Variants in CTCFL observed in about 807,000 individuals in gnomAD.
CTCFL encodes transcriptional repressor CTCFL.
CTCFL carries 36 observed loss-of-function variants against 67.4 expected under a neutral mutation model. The ratio of observed to expected loss-of-function variants is 0.53; its 90% CI spans 0.41 to 0.71. The LOEUF (loss-of-function observed/expected upper bound fraction) is 0.71, where lower values mean the gene tolerates loss of function less well. Ranked by LOEUF, CTCFL falls within the 30% of genes least tolerant of loss-of-function variation. CTCFL has a pLI of 0.00. For synonymous variants in CTCFL, 324 were observed against 302.3 expected, an observed-to-expected ratio of 1.07 and a Z score of -0.75; for missense variants, 786 against 835.2, an observed-to-expected ratio of 0.94 and a Z score of 0.73.
At chr20:57,510,032 G>A (rs1226420204) in intron 8 of CTCFL, among the ~76,000 whole-genome samples, 1 of 152,180 alleles carries the variant, frequency 6.6e-6, no homozygotes, top group Admixed American at 6.5e-5. Context: ...ATAAGTATGA[G>A]CCTGAGGCCT....
intron 6 of CTCFL, 50 bp from the exon 7 acceptor site, chr20:57,514,791 A>C: frequency 6.4e-7 from 1 of 1,568,970 alleles, no homozygotes; most frequent in Non-Finnish European, 8.6e-7. Flanking sequence ...GATCCTTGCC[A>C]AAGGCCACCT....
In CTCFL at chr20:57,498,346, G is replaced by T. The variant is rs1398884057; in HGVS notation, c.*204C>A. On this transcript the variant is annotated 3_prime_UTR_variant, in exon 11 of 11. Coordinates refer to ENST00000243914, the MANE Select transcript of CTCFL (RefSeq NM_001386993.1). ...CAATTCTAGACACTACCTCAAACTT[G>T]TGTCATCCATTGTCATGAACTTAAT... The T allele has an allele frequency of 7.6e-7, 1 of 1,320,352 alleles. No homozygotes were observed. The highest frequency in any genetic ancestry group is 9.7e-7 in the Non-Finnish European group (1 of 1,031,436). The allele number at this position is 1,320,352 out of a possible 1,614,324, so 81.8% of individuals were successfully genotyped here.
chr20:57,523,906 C>T lies in CTCFL; in HGVS notation c.300G>A (p.Leu100=). Residue 100 remains leucine, a synonymous_variant, in exon 2 of 11, where the codon CTG becomes CTA. Coordinates refer to ENST00000243914, the MANE Select transcript of CTCFL (RefSeq NM_001386993.1). ...EAVELQDMSL[L]SIQQQEGVQV... ...GCACCCCTTCTTGCTGCTGTATGCT[C>T]AGCAAGCTCATATCCTGCAACTCCA... 1.2e-6 allele frequency: 2 copies of T among 1,613,166 alleles called. No homozygotes were observed. Among genetic ancestry groups the T allele is most frequent in the South Asian group, 1.1e-5 (1 of 91,074 alleles).
intron 9 of CTCFL, chr20:57,507,522 T>G (rs2068275306): frequency 1.4e-6 from 1 of 697,260 alleles, no homozygotes; most frequent in Non-Finnish European, 2.6e-6. Context: ...AGGACTAGAC[T>G]GCAAAAGGCA....
chr20:57,524,629 A>C, intron 1 of CTCFL: 1 of 1,021,752 alleles, frequency 9.8e-7, no homozygotes, highest in Non-Finnish European at 1.2e-6. Context: ...CGGCCAGTGC[A>C]TATCCTGGGC....
Position 57,523,647 on chromosome 20 carries a change from T to C in CTCFL, c.543+16A>G. The stretch of plus-strand genomic sequence containing the variant: ...TCTTTTTCATGTAAGGGGTTGTTTA[T>C]TAAAACCAGCTGTACCTTGATCAGT... On this transcript the variant is annotated intron_variant, in intron 2 of 10. Coordinates refer to ENST00000243914, the MANE Select transcript of CTCFL (RefSeq NM_001386993.1). 6.3e-7 allele frequency: 1 copy of C among 1,597,042 alleles called. No homozygotes were observed. The highest frequency in any genetic ancestry group is 2.2e-5 in the East Asian group (1 of 44,690).
chr20:57,505,334 C>T (rs1422087009), intron 9 of CTCFL, among the ~76,000 whole-genome samples: 1 of 151,760 alleles, frequency 6.6e-6, no homozygotes, highest in Admixed American at 6.6e-5. Context: ...CTGCTCACTG[C>T]AAGCTCCGCC....
intron 3 of CTCFL, among the ~76,000 whole-genome samples, chr20:57,521,169 T>C (rs1010199139): frequency 2.0e-5 from 3 of 152,218 alleles, no homozygotes; most frequent in Non-Finnish European, 2.9e-5. Flanking sequence ...ATGTTTCTGT[T>C]GTTTGAAGCC....
Position 57,514,935 on chromosome 20 carries a change from G to A in CTCFL, c.1181-194C>T, listed in dbSNP as rs1228847670. The A allele has an allele frequency of 6.4e-5, 38 of 591,548 alleles. No homozygotes were observed. The East Asian group carries it at 1.1e-3, about 17-fold the overall frequency. The allele number at this position is 591,548 out of a possible 1,614,324, so 36.6% of individuals were successfully genotyped here. On this transcript the variant is annotated intron_variant, in intron 6 of 10. Transcript: ENST00000243914. ...TGTCAAGTACAGCTGTGTCCATGAT[G>A]GACCAGAGACATGACTTCCCCGCAT...
At chr20:57,521,107 G>C (rs1196430230) in intron 3 of CTCFL, among the ~76,000 whole-genome samples, 1 of 152,228 alleles carries the variant, frequency 6.6e-6, no homozygotes, top group Non-Finnish European at 1.5e-5. Context: ...AGAGAGCATG[G>C]CTTTGCCAAC....
chr20:57,508,109 AT>A (rs567779512), intron 9 of CTCFL, among the ~76,000 whole-genome samples: 18 of 151,874 alleles, frequency 1.2e-4, no homozygotes, highest in African/African-American at 4.3e-4. Flanking sequence ...CAACCAGCTA[AT>A]TTTTTTGGAG....
chr20:57,501,660 T>C (rs1051386773), intron 10 of CTCFL, among the ~76,000 whole-genome samples: 7 of 152,018 alleles, frequency 4.6e-5, no homozygotes, highest in African/African-American at 1.4e-4. Context: ...CGGGGCCGGA[T>C]GGAGAAGCCC....
intron 8 of CTCFL, among the ~76,000 whole-genome samples, chr20:57,509,061 C>T (rs772447777): frequency 2.6e-5 from 4 of 152,120 alleles, no homozygotes; most frequent in Non-Finnish European, 5.9e-5. Context: ...GAGTACACAC[C>T]GCAGGGCGTG....
intron 9 of CTCFL, chr20:57,507,774 A>G: frequency 1.4e-6 from 1 of 703,028 alleles, no homozygotes; most frequent in Non-Finnish European, 2.6e-6. Flanking sequence ...GCCACTTCCG[A>G]GTTCCCAACC....
Position 57,508,609 on chromosome 20 carries a change from G to C in CTCFL, c.1671C>G (p.Arg557=). ...ACTGTGACTTAAGTAAGCTTACCCA[G>C]CGGGAAAAGCCTTTGCCACACTTGG... is the stretch of plus-strand genomic sequence containing the variant. The part of the protein sequence containing the change: ...KCSKCGKGFS[R]WINLHRHSEK... Residue 557 remains arginine, a synonymous_variant, in exon 9 of 11, where the codon CGC becomes CGG. Transcript: ENST00000243914. 1 of 1,614,004 alleles carries C rather than the reference G, an allele frequency of 6.2e-7. No individual in the cohort carries two copies.
At position 57,523,275 on chromosome 20, in the gene CTCFL, C is replaced by T. The variant is rs771389647; in HGVS notation, c.547G>A (p.Glu183Lys). ...LAETTGLIKL[E>K]EEQEKNQLLA... is the part of the protein sequence containing the mutation. ...AACTGGTTCTTCTCCTGCTCTTCCT[C>T]GAGCTAATAAACAACAAATATTCAA... Residue 183 changes from glutamate (E) to lysine (K), a missense_variant, in exon 3 of 11, where the codon GAG (glutamate) becomes AAG (lysine). Glu to Lys is a moderately conservative substitution (Grantham distance 56, BLOSUM62 1). Coordinates refer to ENST00000243914, the MANE Select transcript of CTCFL (RefSeq NM_001386993.1). 6.8e-6 allele frequency: 11 copies of T among 1,612,424 alleles called. No homozygotes were observed. Among genetic ancestry groups the T allele is most frequent in the Non-Finnish European group, 9.3e-6 (11 of 1,179,116 alleles).
intron 3 of CTCFL, 128 bp downstream of exon 3, chr20:57,522,940 T>C: frequency 1.4e-6 from 1 of 720,448 alleles, no homozygotes; most frequent in South Asian, 1.9e-5. Context: ...AGTTTAAAAT[T>C]TCTCCCATTT....
intron 3 of CTCFL, 63 bp downstream of exon 3, chr20:57,523,005 G>T: frequency 1.6e-6 from 2 of 1,289,104 alleles, no homozygotes; most frequent in Non-Finnish European, 1.1e-6. Context: ...ACCATCACCT[G>T]CCCATAAAGA....
chr20:57,518,824 G>A lies in CTCFL; in HGVS notation c.993C>T (p.His331=). ...AFVTSGELVR[H]RRYKHTHEKP... is the part of the protein sequence containing the mutation. ...TCTCATGAGTATGTTTATAGCGCCT[G>A]TGTCGGACGAGTTCTCCACTGGTGA... Residue 331 remains histidine (H), a synonymous_variant, in exon 5 of 11, where the codon CAC becomes CAT. Transcript: ENST00000243914. 4 of 1,614,176 alleles carry A rather than the reference G, an allele frequency of 2.5e-6. No individual in the cohort carries two copies. The highest frequency in any genetic ancestry group is 3.4e-6 in the Non-Finnish European group (4 of 1,180,030).
Sources: allele counts gnomAD v4.1 joint callset (sites outside exome capture counted in the v4.1 genomes callset), GRCh38; gene constraint gnomAD v4.1.1; transcripts MANE v1.5; gene names NCBI Gene and HGNC (gene_info 2026-07-23, HGNC 2026-07-21).